The following TMEM245 variants were observed in gnomAD, a reference collection of about 807,000 sequenced individuals.
The protein encoded by TMEM245 is transmembrane protein 245.
A neutral mutation model predicts 101.2 loss-of-function variants in TMEM245; 69 were observed. That is an observed-to-expected ratio of 0.68 (90% CI 0.56 to 0.83). The LOEUF is 0.83. TMEM245 is among the 40% of genes least tolerant of loss of function. TMEM245 has a pLI of 0.00. For missense variants in TMEM245, 1,075 were observed against 1,092.8 expected (o/e 0.98, Z 0.23); for synonymous variants, 537 against 449.8 (o/e 1.19, Z -2.45).
chr9:109,072,893 TAC>T (rs1431237932), intron 9 of TMEM245, among the ~76,000 whole-genome samples: 1 of 152,194 alleles, frequency 6.6e-6, no homozygotes, highest in Non-Finnish European at 1.5e-5. Flanking sequence ...GTTGAGGAGT[TAC>T]AGTTTCCATG....
intron 14 of TMEM245, among the ~76,000 whole-genome samples, chr9:109,046,469 T>C (rs1306228025): frequency 6.6e-6 from 1 of 152,182 alleles, no homozygotes; most frequent in African/African-American, 2.4e-5. Flanking sequence ...CTGAGAAGAA[T>C]ACTTATTCAG....
At chr9:109,101,098 G>A (rs963645522) in intron 3 of TMEM245, among the ~76,000 whole-genome samples, 1 of 152,132 alleles carries the variant, frequency 6.6e-6, no homozygotes, top group Non-Finnish European at 1.5e-5. Context: ...CTGGGCAACA[G>A]AGCGAGTCTT....
intron 14 of TMEM245, 77 bp from the exon 15 acceptor site, chr9:109,038,194 T>C (rs1048488474): frequency 3.7e-6 from 4 of 1,076,022 alleles, no homozygotes; most frequent in Non-Finnish European, 5.4e-6. Context: ...CGTGACCACT[T>C]GATTCCAAAT....
chr9:109,050,734 G>C, intron 12 of TMEM245, 42 bp from the exon 13 acceptor site: 1 of 1,606,858 alleles, frequency 6.2e-7, no homozygotes, highest in Non-Finnish European at 8.5e-7. Context: ...CAATCCTCAT[G>C]AAAAAAGTTT....
At chr9:109,066,908 T>A (rs1588047619) in intron 9 of TMEM245, among the ~76,000 whole-genome samples, 5 of 151,836 alleles carry the variant, frequency 3.3e-5, no homozygotes, top group Admixed American at 3.3e-4. Flanking sequence ...ATGAAAAAAT[T>A]AGCCAGGTGT....
Position 109,036,382 on chromosome 9 carries a change from T to C in TMEM245, c.2225-2A>G, listed in dbSNP as rs1317878203. On this transcript the variant is annotated splice_acceptor_variant, in intron 15 of 17. Transcript: ENST00000374586. LOFTEE classifies it high-confidence loss of function. Reference sequence around the variant, plus strand: ...CTGCTCCAAGGATTGCTGCTAATGCTGAAAAAAGAGTAAAAGAAAAACAAC... The same window carrying C: ...CTGCTCCAAGGATTGCTGCTAATGCCGAAAAAAGAGTAAAAGAAAAACAAC... 5 of 1,572,718 alleles carry C rather than the reference T, an allele frequency of 3.2e-6. No homozygotes were observed. In the Admixed American group the frequency reaches 8.3e-5, roughly 26 times the overall value.
At chr9:109,082,000 C>T (rs1049754091) in intron 7 of TMEM245, among the ~76,000 whole-genome samples, 3 of 152,148 alleles carry the variant, frequency 2.0e-5, no homozygotes, top group East Asian at 3.9e-4. Context: ...GCTGAAACAC[C>T]ACAATGCACT....
At chr9:109,097,016 A>C (rs1039974352) in intron 3 of TMEM245, among the ~76,000 whole-genome samples, 1 of 152,246 alleles carries the variant, frequency 6.6e-6, no homozygotes, top group African/African-American at 2.4e-5. Context: ...TCTGATACTT[A>C]AGAGCTAATG....
chr9:109,119,580 G>A lies in TMEM245; in HGVS notation c.334C>T (p.Leu112=), dbSNP rs772823999. 6.5e-7 allele frequency: 1 copy of A among 1,546,506 alleles called. No individual in the cohort carries two copies. The highest frequency in any genetic ancestry group is 1.2e-5 in the South Asian group (1 of 84,060). Residue 112 remains leucine, a synonymous_variant, in exon 1 of 18, where the codon CTG becomes TTG. Transcript: ENST00000374586. Reference sequence around the variant, plus strand: ...ACGATGGGCGTGTGCGCGCGGTGCAGGCGCTGCAGCCAGTGGCGGCCCAGG... The same window carrying A: ...ACGATGGGCGTGTGCGCGCGGTGCAAGCGCTGCAGCCAGTGGCGGCCCAGG... ...TRLGRHWLQR[L]HRAHTPIVLA...
chr9:109,036,478 C>G, intron 15 of TMEM245, 98 bp from the exon 16 acceptor site: 3 of 1,168,120 alleles, frequency 2.6e-6, no homozygotes, highest in Non-Finnish European at 3.4e-6. Flanking sequence ...CAACTTCCAA[C>G]AAAACAAGTT....
At chr9:109,085,037 A>G (rs1829791141) in intron 7 of TMEM245, among the ~76,000 whole-genome samples, 1 of 152,250 alleles carries the variant, frequency 6.6e-6, no homozygotes. Flanking sequence ...ACATATATAT[A>G]GTTTTATTAT....
rs1475760774 is a variant in TMEM245 at position 109,119,335 on chromosome 9, C to G, written c.579G>C (p.Trp193Cys). ...CRGLDYFSSL[W>C]IWTLVVGYVL... ...CGGGGGCGGACTGCCGCTCACTCAC[C>G]CACAGGCTGCTGAAGTAGTCCAGCC... Residue 193 changes from tryptophan (W) to cysteine (C), a missense_variant and splice_region_variant, in exon 1 of 18, where the codon TGG (tryptophan) becomes TGC (cysteine). Trp to Cys is a radical substitution (Grantham distance 215, BLOSUM62 -2). Around this residue, in one of 2 missense-constraint regions of TMEM245, gnomAD observed 808 missense variants for 741.5 expected, o/e 1.09. Coordinates refer to ENST00000374586, the MANE Select transcript of TMEM245 (RefSeq NM_032012.4). 15 of 1,529,164 alleles carry G rather than the reference C, an allele frequency of 9.8e-6. No homozygotes were observed. Among genetic ancestry groups the G allele is most frequent in the Non-Finnish European group, 1.3e-5 (15 of 1,142,414 alleles). 94.7% of individuals were successfully genotyped at this position (1,529,164 alleles called of 1,614,324 possible).
chr9:109,036,610 T>C (rs1828131270), intron 15 of TMEM245, among the ~76,000 whole-genome samples: 1 of 152,182 alleles, frequency 6.6e-6, no homozygotes, highest in South Asian at 2.1e-4. Flanking sequence ...GTGTGTCTTA[T>C]TTATGGATCT....
chr9:109,034,035 A>C (rs919942631), intron 16 of TMEM245, among the ~76,000 whole-genome samples: 1 of 152,244 alleles, frequency 6.6e-6, no homozygotes, highest in Non-Finnish European at 1.5e-5. Flanking sequence ...TATCTGTCAC[A>C]AAGCCCAAGA....
chr9:109,032,365 CTTTTTTTTTTTTTTTTTTTTTTTTTTTT>C (rs755399182), intron 17 of TMEM245, among the ~76,000 whole-genome samples: 2 of 40,960 alleles, frequency 4.9e-5, no homozygotes, highest in Admixed American at 3.4e-4. Context: ...ATTTCTTTTC[CTTTTTTTTTTTTTTTTTTTTTTTTTTTT>C]TTTTTTTTGA....
rs1266416582 is a variant in TMEM245 at position 109,080,679 on chromosome 9, T to C, written c.1449+160A>G. ...AAAGAAAATATACTAGGCAAATTCA[T>C]GGCAAAATTAGTAATATACAAATCA... is the stretch of plus-strand genomic sequence containing the variant. On this transcript the variant is annotated intron_variant, in intron 8 of 17. Transcript: ENST00000374586. Among the ~76,000 whole-genome samples the C allele has an allele frequency of 2.0e-5, 3 of 152,102 alleles. No individual in the cohort carries two copies. In the East Asian group the frequency reaches 5.8e-4, roughly 29 times the overall value.
At chr9:109,073,964 G>T (rs113489633) in intron 8 of TMEM245, among the ~76,000 whole-genome samples, 9 of 149,236 alleles carry the variant, frequency 6.0e-5, no homozygotes, top group African/African-American at 2.2e-4. Flanking sequence ...ACGTTCAAGC[G>T]ATTCTCGTGC....
chr9:109,073,800 G>C (rs533823279), intron 8 of TMEM245, among the ~76,000 whole-genome samples: 1 of 151,294 alleles, frequency 6.6e-6, no homozygotes, highest in African/African-American at 2.4e-5. Context: ...TGAGCTAACA[G>C]GTTCATCACG....
intron 14 of TMEM245, among the ~76,000 whole-genome samples, chr9:109,045,246 G>T (rs1043487781): frequency 1.3e-5 from 2 of 152,104 alleles, no homozygotes; most frequent in African/African-American, 4.8e-5. Context: ...TCCCTTGAGA[G>T]GTCACATCTT....
Sources: allele counts gnomAD v4.1 joint callset (sites outside exome capture counted in the v4.1 genomes callset), GRCh38; gene constraint gnomAD v4.1.1; regional missense constraint gnomAD v4.1.1; transcripts MANE v1.5; gene names NCBI Gene and HGNC (gene_info 2026-07-23, HGNC 2026-07-21).